The following CLN3 variants were observed in gnomAD, a reference collection of about 807,000 sequenced individuals.
CLN3 encodes battenin.
A neutral mutation model predicts 60.7 loss-of-function variants in CLN3; 49 were observed. The observed-to-expected ratio is 0.81, with a 90% CI of 0.64 to 1.02. CLN3 has a LOEUF of 1.02. CLN3 is among the 50% of genes least tolerant of loss of function. The pLI is 0.00. For missense variants in CLN3, 516 were observed against 557.4 expected (o/e 0.93, Z 0.75); for synonymous variants, 256 against 245.8 (o/e 1.04, Z -0.39).
intron 3 of CLN3, among the ~76,000 whole-genome samples, chr16:28,489,973 C>T (rs142942012): frequency 1.1e-3 from 159 of 150,990 alleles, no homozygotes; most frequent in African/African-American, 3.7e-3. Flanking sequence ...AGGAGAACCA[C>T]TTGAACCCGA....
intron 10 of CLN3, among the ~76,000 whole-genome samples, chr16:28,483,619 G>A (rs538855839): frequency 1.2e-4 from 18 of 151,550 alleles, no homozygotes; most frequent in African/African-American, 2.9e-4. Flanking sequence ...TATCCCCACC[G>A]CAGGGCCTCA....
chr16:28,489,047 G>A (rs1287082352), intron 4 of CLN3, among the ~76,000 whole-genome samples: 2 of 152,154 alleles, frequency 1.3e-5, no homozygotes, highest in Admixed American at 6.6e-5. Flanking sequence ...GACTACAGGT[G>A]TGTGCCACCA....
rs1476744878 is a variant in CLN3 at position 28,477,384 on chromosome 16, C to T, written c.*132G>A. The T allele has an allele frequency of 1.6e-6, 2 of 1,239,470 alleles. No individual in the cohort carries two copies. Among genetic ancestry groups the T allele is most frequent in the Non-Finnish European group, 2.3e-6 (2 of 862,282 alleles). 76.8% of individuals were successfully genotyped at this position (1,239,470 alleles called of 1,614,324 possible). ...CCTGCAAGGGAAACAAGGCTTCAGCCCTTCCCTACTCCCAGACCTGCCGGG... is the reference window on the plus strand; with the variant it reads ...CCTGCAAGGGAAACAAGGCTTCAGCTCTTCCCTACTCCCAGACCTGCCGGG... On this transcript the variant is annotated 3_prime_UTR_variant, in exon 16 of 16. Coordinates refer to ENST00000636147, the MANE Select transcript of CLN3 (RefSeq NM_001042432.2).
chr16:28,488,924 T>C (rs918870274), intron 4 of CLN3, among the ~76,000 whole-genome samples: 1 of 152,166 alleles, frequency 6.6e-6, no homozygotes, highest in Non-Finnish European at 1.5e-5. Context: ...TTTTTTGAGA[T>C]GGTGTCTCAC....
rs1218301566 is a variant in CLN3 at position 28,491,725 on chromosome 16, G to A, written c.35C>T (p.Ser12Leu). 2.5e-6 allele frequency: 4 copies of A among 1,613,830 alleles called. No individual in the cohort carries two copies. Among genetic ancestry groups the A allele is most frequent in the Non-Finnish European group, 3.4e-6 (4 of 1,179,950 alleles). The stretch of plus-strand genomic sequence containing the variant: ...GCGGGAATACTCACCCTCGGAATCC[G>A]AAAAGCGCCGCCGCGAGCCTGCACA... Reference protein sequence around the residue: ...GGCAGSRRRFSDSEGEETVPE... With the variant: ...GGCAGSRRRFLDSEGEETVPE... The change falls in exon 2 of 16, where the codon TCG (serine) becomes TTG (leucine). Residue 12 changes from serine to leucine, a missense_variant. Ser to Leu is a moderately radical substitution (Grantham distance 145). Transcript: ENST00000636147.
intron 10 of CLN3, among the ~76,000 whole-genome samples, chr16:28,482,974 G>C (rs1201194328): frequency 3.3e-5 from 5 of 151,816 alleles, no homozygotes; most frequent in Non-Finnish European, 7.4e-5. Flanking sequence ...TGTGGTGGCA[G>C]GTGTCTGTAG....
At chr16:28,488,524 C>A in intron 5 of CLN3, 67 bp downstream of exon 5, 1 of 1,406,672 alleles carries the variant, frequency 7.1e-7, no homozygotes, top group Non-Finnish European at 1.0e-6. Context: ...TAGTGAAGGG[C>A]TGGGAGTGGG....
chr16:28,469,170 C>T (rs71225384), downstream of CLN3, among the ~76,000 whole-genome samples: 2,751 of 99,540 alleles, frequency 0.028, 23 homozygotes, highest in Middle Eastern at 0.081. Context: ...TTGAGCAGAA[C>T]AAAGCAGACA....
downstream of CLN3, chr16:28,474,288 C>CA: frequency 6.6e-6 from 1 of 151,818 alleles, no homozygotes; most frequent in Non-Finnish European, 1.5e-5. Flanking sequence ...AAAACAAAAA[C>CA]AAAAAACAAC....
chr16:28,490,233 A>G (rs1248763082), intron 3 of CLN3: 1 of 151,582 alleles, frequency 6.6e-6, no homozygotes, highest in Non-Finnish European at 1.5e-5. Context: ...ACCTAAGGTC[A>G]GGAGTTCTAG....
chr16:28,489,313 T>C lies in CLN3; in HGVS notation c.199A>G (p.Arg67Gly). 1 of 1,613,388 alleles carries C rather than the reference T, an allele frequency of 6.2e-7. No homozygotes were observed. Among genetic ancestry groups the C allele is most frequent in the Non-Finnish European group, 8.5e-7 (1 of 1,179,750 alleles). ...SAAHDILSHK[R>G]TSGNQSHVDP... is the part of the protein sequence containing the mutation. The stretch of plus-strand genomic sequence containing the variant: ...ACATGGCTCTGGTTTCCCGATGTCC[T>C]CTTGTGGCTAAGGATGTCGTGGGCG... The change falls in exon 4 of 16, where the codon AGG becomes GGG. Residue 67 changes from arginine to glycine, a missense_variant. Coordinates refer to ENST00000636147, the MANE Select transcript of CLN3 (RefSeq NM_001042432.2).
the CLN3 span, among the ~76,000 whole-genome samples, chr16:28,468,772 A>G: frequency 8.3e-4 from 94 of 113,236 alleles, 6 homozygotes; most frequent in East Asian, 0.023. Flanking sequence ...GCACCACTGC[A>G]CTTCAGCCTG....
chr16:28,489,130 G>A (rs1010191616), intron 4 of CLN3, among the ~76,000 whole-genome samples, 160 bp downstream of exon 4: 1 of 152,062 alleles, frequency 6.6e-6, no homozygotes, highest in Non-Finnish European at 1.5e-5. Context: ...TCGAACTCCT[G>A]ACTTCAAGTG....
chr16:28,475,881 TCA>T (rs1428772311), downstream of CLN3: 2 of 150,960 alleles, frequency 1.3e-5, no homozygotes, highest in South Asian at 2.1e-4. Flanking sequence ...TAAGTCAGAC[TCA>T]GTTTTTTTGT....
intron 5 of CLN3, 106 bp from the exon 6 acceptor site, chr16:28,487,847 A>AC: frequency 1.2e-6 from 1 of 862,550 alleles, no homozygotes. Flanking sequence ...TGCTACAAAC[A>AC]CAGGCTCTGG....
chr16:28,470,556 G>T (rs1333274424), downstream of CLN3: 1 of 135,078 alleles, frequency 7.4e-6, no homozygotes, highest in African/African-American at 1.2e-4. Context: ...CGGGGGAGGG[G>T]AGGGGGAGGG....
chr16:28,473,535 T>C (rs540536678), downstream of CLN3, among the ~76,000 whole-genome samples: 1 of 152,298 alleles, frequency 6.6e-6, no homozygotes, highest in African/African-American at 2.4e-5. Context: ...GGCTCCCACT[T>C]AGATATGTTA....
intron 14 of CLN3, among the ~76,000 whole-genome samples, chr16:28,479,055 C>T (rs886577713): frequency 1.2e-4 from 19 of 152,154 alleles, no homozygotes; most frequent in African/African-American, 4.1e-4. Context: ...CTTCGATCCC[C>T]ACCCCAGGGT....
chr16:28,485,228 C>G (rs1321218341), intron 9 of CLN3, among the ~76,000 whole-genome samples: 1 of 150,812 alleles, frequency 6.6e-6, no homozygotes. Context: ...CAGATGTGAG[C>G]CACCATGCCC....
Sources: gnomAD v4.1 joint callset for allele counts (sites outside exome capture counted in the v4.1 genomes callset) on GRCh38, gnomAD v4.1.1 for gene constraint, MANE v1.5 for transcripts, NCBI Gene and HGNC (gene_info 2026-07-23, HGNC 2026-07-21) for gene names.